GDPD2: variants seen among roughly 807,000 people sequenced by gnomAD.
GDPD2 encodes the protein glycerophosphodiester phosphodiesterase 3.
GDPD2 carries 23 observed loss-of-function variants against 49.2 expected under a neutral mutation model. The observed-to-expected ratio is 0.47, with a 90% confidence interval of 0.34 to 0.66. The LOEUF (loss-of-function observed/expected upper bound fraction) is 0.66. Among genes scored for constraint, GDPD2 ranks in the 30% least tolerant of loss-of-function variants. The pLI, the probability that GDPD2 is intolerant of heterozygous loss-of-function variation, is 0.01. For synonymous variants in GDPD2, 167 were observed against 171.4 expected (o/e 0.97, Z 0.20); for missense variants, 338 against 424.7 (o/e 0.80, Z 1.79).
Position 70,427,302 on chromosome X carries a change from T to G in GDPD2, c.786-11T>G, listed in dbSNP as rs1005907229. On this transcript the variant is annotated splice_polypyrimidine_tract_variant and intron_variant, in intron 9 of 15. Transcript: ENST00000374382. The stretch of plus-strand genomic sequence containing the variant: ...CAGAGCTTGGCCCTCTGACACCCCT[T>G]GTGCCCTCAGCTCCGATGGGGTCCC... 1.2e-5 allele frequency: 15 copies of G among 1,208,679 alleles called. No individual in the cohort carries two copies. The highest frequency in any genetic ancestry group is 1.7e-5 in the Non-Finnish European group (15 of 894,259).
intron 12 of GDPD2, among the ~76,000 whole-genome samples, chrX:70,430,736 T>C (rs2086468216): frequency 8.9e-6 from 1 of 111,815 alleles, no homozygotes. Flanking sequence ...TGTGTTCAGA[T>C]AGAAAAATGT....
At chrX:70,423,621 G>A (rs1044626667) in intron 1 of GDPD2, among the ~76,000 whole-genome samples, 4 of 111,940 alleles carry the variant, frequency 3.6e-5, no homozygotes, top group Non-Finnish European at 7.5e-5. Flanking sequence ...AGAGCTTAGA[G>A]CAGGCTATCA....
chrX:70,423,660 G>A (rs1414401445), intron 1 of GDPD2, among the ~76,000 whole-genome samples: 1 of 111,733 alleles, frequency 8.9e-6, no homozygotes, highest in Non-Finnish European at 1.9e-5. Flanking sequence ...CAGAGGCAAG[G>A]GCTTCCCTTT....
chrX:70,425,591 A>G (rs2086413976), intron 3 of GDPD2, 134 bp downstream of exon 3: 2 of 550,368 alleles, frequency 3.6e-6, no homozygotes, highest in African/African-American at 2.3e-5. Flanking sequence ...CTGCTACCCA[A>G]TCTCCTTAGA....
rs767019338 is a variant in GDPD2 at position 70,426,928 on chromosome X, C to T, written c.619C>T (p.Leu207=). Residue 207 remains leucine (L), a synonymous_variant, in exon 8 of 16, where the codon CTA becomes TTA. Transcript: ENST00000374382. ...TGTCCTGGTCATCTACTTGGCCCCCCTATGCATCTCCTCACCCTGCATCAT... is the reference window on the plus strand; with the variant it reads ...TGTCCTGGTCATCTACTTGGCCCCCTTATGCATCTCCTCACCCTGCATCAT... ...GVVLVIYLAP[L]CISSPCIMEP... 2.2e-5 allele frequency: 27 copies of T among 1,205,250 alleles called. 1 individual carries two copies. In the South Asian group the frequency reaches 4.4e-4, roughly 20 times the overall value.
rs2086486189 is a variant in GDPD2 at position 70,432,428 on chromosome X, C to A, written c.1429C>A (p.Gln477Lys). The A allele has an allele frequency of 1.7e-6, 2 of 1,210,749 alleles. No homozygotes were observed. The highest frequency in any genetic ancestry group is 2.3e-4 in the Middle Eastern group (1 of 4,350). Residue 477 changes from glutamine to lysine, a missense_variant, in exon 13 of 16, where the codon CAG (glutamine) becomes AAG (lysine). Physicochemically the swap from Gln to Lys is moderately conservative, Grantham distance 53 (BLOSUM62 1). Transcript: ENST00000374382. ...VTTNDCQLLQ[Q>K]MRYPIWLITP... is the part of the protein sequence containing the mutation. ...CACCAACGACTGCCAGCTGCTGCAG[C>A]AGATGCGTTACCCTATCTGGCTTAT... is the stretch of plus-strand genomic sequence containing the variant.
In GDPD2 at chrX:70,427,217, C is replaced by T; in HGVS notation, c.783C>T (p.Val261=). Residue 261 remains valine, a splice_region_variant and synonymous_variant, in exon 9 of 16, where the codon GTC becomes GTT. Transcript: ENST00000374382. The part of the protein sequence containing the change: ...GATVFETDVM[V]SSDGVPFLMH... ...CTGTGTTTGAGACTGATGTGATGGT[C>T]AGGTGAGGGAAGCTGGGGCTTAGGG... The T allele has an allele frequency of 8.3e-7, 1 of 1,200,822 alleles. No individual in the cohort carries two copies. Among genetic ancestry groups the T allele is most frequent in the Non-Finnish European group, 1.1e-6 (1 of 885,766 alleles).
At chrX:70,425,696 CA>C in intron 3 of GDPD2, 66 bp from the exon 4 acceptor site, 1 of 636,960 alleles carries the variant, frequency 1.6e-6, no homozygotes, top group Admixed American at 2.2e-5. Context: ...CCACCCACCC[CA>C]CCTCCCCTCA....
chrX:70,426,069 G>A lies in GDPD2; in HGVS notation c.321G>A (p.Leu107=). 1 of 1,209,086 alleles carries A rather than the reference G, an allele frequency of 8.3e-7. No individual in the cohort carries two copies. Reference sequence around the variant, plus strand: ...TCCTCTAGGTCCTGGCCCTGCTCCTGCGGCTTTGTAGACAGCCCCTGCATC... The same window carrying A: ...TCCTCTAGGTCCTGGCCCTGCTCCTACGGCTTTGTAGACAGCCCCTGCATC... ...ASLLLVLALL[L]RLCRQPLHLH... The change falls in exon 5 of 16, where the codon CTG becomes CTA. Residue 107 remains leucine, a synonymous_variant. Transcript: ENST00000374382.
At chrX:70,428,988 A>G (rs1602838607) in intron 10 of GDPD2, among the ~76,000 whole-genome samples, 2 of 112,123 alleles carry the variant, frequency 1.8e-5, no homozygotes, top group Admixed American at 1.9e-4. Context: ...AGCGAAAAAT[A>G]AGGACTGCAG....
intron 13 of GDPD2, 25 bp from the exon 14 acceptor site, chrX:70,432,554 T>C: frequency 1.7e-6 from 2 of 1,162,482 alleles, no homozygotes; most frequent in Non-Finnish European, 1.2e-6. Context: ...CATTCTACCC[T>C]TGGGGCCTTT....
At chrX:70,427,528 C>T in intron 10 of GDPD2, 65 bp downstream of exon 10, 1 of 967,001 alleles carries the variant, frequency 1.0e-6, no homozygotes, top group South Asian at 2.1e-5. Context: ...AGAGTTCATT[C>T]TGTTGATAAG....
chrX:70,432,952 CTCCCCTCACCTCAT>C lies in GDPD2; in HGVS notation c.1567+13_1567+26del, dbSNP rs1315631609. On this transcript the variant is annotated intron_variant, in intron 15 of 15. Transcript: ENST00000374382. ...GAGAGGGAAAACTGGTAAGAACTTT[CTCCCCTCACCTCAT>C]GTTTCTCCTCCTGTAGCTTTCCCCT... The C allele has an allele frequency of 4.2e-6, 5 of 1,176,566 alleles. No homozygotes were observed. Among genetic ancestry groups the C allele is most frequent in the Non-Finnish European group, 5.8e-6 (5 of 865,215 alleles).
intron 8 of GDPD2, 21 bp downstream of exon 8, chrX:70,427,032 TGGGAGGGTG>T (rs758054137): frequency 3.1e-6 from 3 of 978,858 alleles, no homozygotes; most frequent in Non-Finnish European, 4.3e-6. Context: ...GACAGAATGC[TGGGAGGGTG>T]GGGAGGGTCT....
In GDPD2 at chrX:70,432,297, A is replaced by C; in HGVS notation, c.1308-10A>C. On this transcript the variant is annotated splice_polypyrimidine_tract_variant and intron_variant, in intron 12 of 15. Coordinates refer to ENST00000374382, the MANE Select transcript of GDPD2 (RefSeq NM_017711.4). ...CTGGACATTCCCTATTTTCTTTCCC[A>C]CCTTCACAGGGCATTGCATAAGGAT... 1 of 1,199,740 alleles carries C rather than the reference A, an allele frequency of 8.3e-7. No homozygotes were observed.
chrX:70,425,269 GGCAGCTCCCTTTA>G, intron 2 of GDPD2, 72 bp from the exon 3 acceptor site: 1 of 727,814 alleles, frequency 1.4e-6, no homozygotes, highest in Non-Finnish European at 2.2e-6. Context: ...ACACGGGGCA[GGCAGCTCCCTTTA>G]GCTGCCACCC....
intron 12 of GDPD2, chrX:70,430,910 C>T: frequency 2.4e-6 from 1 of 415,941 alleles, no homozygotes; most frequent in Non-Finnish European, 4.1e-6. Flanking sequence ...TCAAGTGATC[C>T]TGAGTAGCTA....
chrX:70,431,079 C>G (rs898562560), intron 12 of GDPD2: 3 of 1,128,719 alleles, frequency 2.7e-6, no homozygotes, highest in Admixed American at 5.3e-5. Context: ...TGAGCCACTG[C>G]CCCCCTCAGC....
In GDPD2 at chrX:70,425,230, A is replaced by G. The variant is rs1045599953; in HGVS notation, c.106-124A>G. On this transcript the variant is annotated intron_variant, in intron 2 of 15. Coordinates refer to ENST00000374382, the MANE Select transcript of GDPD2 (RefSeq NM_017711.4). ...GAAGAAAATCTCCCTCAAATATGGA[A>G]AGAGCTGCCCCCCGAGCAGAGCAGC... is the stretch of plus-strand genomic sequence containing the variant. The G allele has an allele frequency of 1.4e-5, 9 of 655,611 alleles. No homozygotes were observed. In the Admixed American group the frequency reaches 2.0e-4, roughly 15 times the overall value. The allele number at this position is 655,611 out of a possible 1,213,427, so 54.0% of individuals were successfully genotyped here. A position where few individuals can be genotyped will look rare whatever the true frequency, so the allele number is the denominator to read the frequency against.
Sources: gnomAD v4.1 joint callset for allele counts (sites outside exome capture counted in the v4.1 genomes callset) on GRCh38, gnomAD v4.1.1 for gene constraint, MANE v1.5 for transcripts, NCBI Gene and HGNC (gene_info 2026-07-23, HGNC 2026-07-21) for gene names.